Variants in TAFA4 observed in about 807,000 individuals in gnomAD.
The protein encoded by TAFA4 is TAFA chemokine like family member 4.
Under a neutral mutation model 21.1 loss-of-function variants are expected in TAFA4, and 20 were observed. That is an observed-to-expected ratio of 0.95 (90% CI 0.67 to 1.38). The LOEUF (loss-of-function observed/expected upper bound fraction) is 1.38. Among genes scored for constraint, TAFA4 ranks in the 40% most tolerant of loss-of-function variants. The pLI is 0.00. For missense variants in TAFA4, 211 were observed against 180.9 expected (o/e 1.17, Z -0.95); for synonymous variants, 71 against 67.4 (o/e 1.05, Z -0.26).
intron 3 of TAFA4, among the ~76,000 whole-genome samples, chr3:68,793,193 T>A (rs1703394778): frequency 6.6e-6 from 1 of 152,186 alleles, no homozygotes; most frequent in South Asian, 2.1e-4. Context: ...AGTGAGATTG[T>A]CTAATTCCAT....
At chr3:68,890,561 T>C (rs1268760427) in intron 1 of TAFA4, among the ~76,000 whole-genome samples, 10 of 152,218 alleles carry the variant, frequency 6.6e-5, no homozygotes, top group Admixed American at 6.5e-4. Flanking sequence ...TTGTTAGTCA[T>C]TTTAAAATAT....
chr3:68,892,379 T>C (rs1317549284), intron 1 of TAFA4, among the ~76,000 whole-genome samples: 2 of 152,208 alleles, frequency 1.3e-5, no homozygotes, highest in Non-Finnish European at 2.9e-5. Context: ...TTTCAAGTGT[T>C]ACCAATACCA....
At chr3:68,833,325 A>G (rs1465771988) in intron 3 of TAFA4, among the ~76,000 whole-genome samples, 1 of 152,210 alleles carries the variant, frequency 6.6e-6, no homozygotes, top group African/African-American at 2.4e-5. Flanking sequence ...CCATCTCGGA[A>G]GCGACTATAA....
At chr3:68,850,735 T>A (rs1704924249) in intron 3 of TAFA4, among the ~76,000 whole-genome samples, 1 of 151,972 alleles carries the variant, frequency 6.6e-6, no homozygotes, top group Admixed American at 6.5e-5. Flanking sequence ...ACAGGGTTTT[T>A]TTTTTCTTGT....
At chr3:68,822,866 T>C (rs572972916) in intron 3 of TAFA4, among the ~76,000 whole-genome samples, 144 of 152,350 alleles carry the variant, frequency 9.5e-4, no homozygotes, top group Non-Finnish European at 1.4e-3. Context: ...TACTCTAAAA[T>C]TGTTTATTTG....
intron 5 of TAFA4, among the ~76,000 whole-genome samples, chr3:68,737,998 C>CTG (rs1702275067): frequency 6.6e-6 from 1 of 152,132 alleles, no homozygotes; most frequent in Non-Finnish European, 1.5e-5. Flanking sequence ...AAAGCAAAAA[C>CTG]AAAGCCAGGG....
intron 3 of TAFA4, among the ~76,000 whole-genome samples, chr3:68,775,959 T>G (rs1355388786): frequency 6.6e-6 from 1 of 152,094 alleles, no homozygotes; most frequent in African/African-American, 2.4e-5. Context: ...TGGAGCAAGA[T>G]CTTTGAAGTA....
chr3:68,907,397 G>A (rs1453153544), intron 1 of TAFA4, among the ~76,000 whole-genome samples: 1 of 152,148 alleles, frequency 6.6e-6, no homozygotes. Flanking sequence ...TGATACAAGT[G>A]TCAGGAAGGC....
chr3:68,783,859 T>C (rs1703201324), intron 3 of TAFA4, among the ~76,000 whole-genome samples: 1 of 152,220 alleles, frequency 6.6e-6, no homozygotes, highest in South Asian at 2.1e-4. Flanking sequence ...ACTTCAGTTT[T>C]CTTCTTTTTG....
intron 4 of TAFA4, among the ~76,000 whole-genome samples, chr3:68,743,701 A>G (rs987525053): frequency 4.6e-5 from 7 of 151,770 alleles, no homozygotes; most frequent in African/African-American, 1.7e-4. Flanking sequence ...TCCTCTTTTG[A>G]TTGTCCCAAC....
intron 1 of TAFA4, among the ~76,000 whole-genome samples, chr3:68,924,866 T>C (rs1371846846): frequency 6.6e-6 from 1 of 152,176 alleles, no homozygotes; most frequent in African/African-American, 2.4e-5. Flanking sequence ...CACTCCCCAC[T>C]GCCTCTCTAA....
intron 3 of TAFA4, among the ~76,000 whole-genome samples, chr3:68,854,717 T>G (rs972783876): frequency 1.3e-4 from 20 of 152,064 alleles, no homozygotes; most frequent in Admixed American, 1.2e-3. Flanking sequence ...TCTCTGGTTG[T>G]GTATTTTATT....
intron 3 of TAFA4, among the ~76,000 whole-genome samples, chr3:68,853,381 T>G (rs1704994690): frequency 6.6e-6 from 1 of 152,188 alleles, no homozygotes; most frequent in Non-Finnish European, 1.5e-5. Context: ...AAGTAATATT[T>G]TAAATGCATG....
intron 1 of TAFA4, chr3:68,915,916 G>A (rs150285579): frequency 5.7e-4 from 87 of 152,272 alleles, no homozygotes; most frequent in African/African-American, 2.0e-3. Context: ...CAATAAATAT[G>A]GAATTGACCA....
intron 3 of TAFA4, among the ~76,000 whole-genome samples, chr3:68,787,300 A>G (rs1703279371): frequency 6.6e-6 from 1 of 152,190 alleles, no homozygotes; most frequent in South Asian, 2.1e-4. Flanking sequence ...TCACTATTAA[A>G]AGCTCATTAA....
At chr3:68,822,159 A>T (rs1319337208) in intron 3 of TAFA4, among the ~76,000 whole-genome samples, 3 of 152,252 alleles carry the variant, frequency 2.0e-5, no homozygotes, top group African/African-American at 7.2e-5. Context: ...AAAAAAATGT[A>T]ACCCAAACAG....
At chr3:68,853,026 C>G (rs1011024976) in intron 3 of TAFA4, among the ~76,000 whole-genome samples, 3 of 152,128 alleles carry the variant, frequency 2.0e-5, no homozygotes, top group Admixed American at 2.0e-4. Flanking sequence ...CTCAGGAAAA[C>G]TGAGGGTTCT....
chr3:68,837,440 A>T (rs930029160), intron 3 of TAFA4, among the ~76,000 whole-genome samples: 2 of 152,122 alleles, frequency 1.3e-5, no homozygotes, highest in African/African-American at 4.8e-5. Context: ...GTCAATTTCA[A>T]CCCTCCCCTT....
chr3:68,930,686 G>C (rs1387019004), intron 1 of TAFA4, among the ~76,000 whole-genome samples: 1 of 152,152 alleles, frequency 6.6e-6, no homozygotes, highest in South Asian at 2.1e-4. Flanking sequence ...GTCATCATTC[G>C]TCATAATGAT....
Sources: allele counts gnomAD v4.1 joint callset (sites outside exome capture counted in the v4.1 genomes callset), GRCh38; gene constraint gnomAD v4.1.1; transcripts MANE v1.5; gene names NCBI Gene and HGNC (gene_info 2026-07-23, HGNC 2026-07-21).